The following GPR149 variants were observed in gnomAD, a reference collection of about 807,000 sequenced individuals.
GPR149 encodes probable G protein-coupled receptor 149.
Under a neutral mutation model 50.2 loss-of-function variants are expected in GPR149, and 50 were observed. The ratio of observed to expected loss-of-function variants is 1.00; its 90% CI spans 0.79 to 1.26. GPR149 has a LOEUF of 1.26. Among genes scored for constraint, GPR149 ranks in the 50% most tolerant of loss-of-function variants. The pLI, the probability that GPR149 is intolerant of heterozygous loss-of-function variation, is 0.00. For missense variants in GPR149, 983 were observed against 895.4 expected (o/e 1.10, Z -1.25); for synonymous variants, 405 against 358.2 (o/e 1.13, Z -1.48).
intron 3 of GPR149, among the ~76,000 whole-genome samples, chr3:154,377,363 TA>T (rs1714816806): frequency 6.8e-6 from 1 of 147,820 alleles, no homozygotes; most frequent in African/African-American, 2.5e-5. Context: ...TTATTATTAT[TA>T]TTATTATTAT....
At chr3:154,415,690 T>C (rs1171217420) in intron 3 of GPR149, among the ~76,000 whole-genome samples, 1 of 151,960 alleles carries the variant, frequency 6.6e-6, no homozygotes, top group Non-Finnish European at 1.5e-5. Context: ...CAACAAAATG[T>C]AAACAGTGGT....
At chr3:154,412,265 A>G (rs1184341650) in intron 3 of GPR149, among the ~76,000 whole-genome samples, 2 of 152,112 alleles carry the variant, frequency 1.3e-5, no homozygotes, top group Non-Finnish European at 2.9e-5. Context: ...GGAAAAGTAA[A>G]AAGCATACCC....
At chr3:154,412,305 A>C (rs187788492) in intron 3 of GPR149, among the ~76,000 whole-genome samples, 1 of 152,218 alleles carries the variant, frequency 6.6e-6, no homozygotes, top group African/African-American at 2.4e-5. Flanking sequence ...AAGGATGCCC[A>C]CTTTCATCAC....
chr3:154,399,140 A>AT (rs60274074), intron 3 of GPR149, among the ~76,000 whole-genome samples: 28 of 151,436 alleles, frequency 1.8e-4, no homozygotes, highest in Non-Finnish European at 2.5e-4. Context: ...TGGTATTAGT[A>AT]TTTTTTTTTA....
intron 3 of GPR149, among the ~76,000 whole-genome samples, chr3:154,390,054 C>G (rs1358215348): frequency 6.6e-6 from 1 of 152,212 alleles, no homozygotes; most frequent in Non-Finnish European, 1.5e-5. Context: ...TCAGTGAGAA[C>G]AAAGGTCACA....
Position 154,427,635 on chromosome 3 carries a change from A to G in GPR149, c.1055T>C (p.Leu352Pro). The G allele has an allele frequency of 6.2e-7, 1 of 1,614,214 alleles. No homozygotes were observed. Among genetic ancestry groups the G allele is most frequent in the South Asian group, 1.1e-5 (1 of 91,082 alleles). Residue 352 changes from leucine (L) to proline (P), a missense_variant, in exon 2 of 4, where the codon CTG becomes CCG. By Grantham distance (98) the Leu-to-Pro change is moderately conservative. Transcript: ENST00000389740. ...PLETFSFLLT[L>P]LATTVTPVFV... is the part of the protein sequence containing the mutation. ...CACTGGGGTTACAGTGGTGGCCAGC[A>G]GGGTAAGTAGAAAGCTGAATGTCTC...
chr3:154,388,013 C>T (rs1715083483), intron 3 of GPR149, among the ~76,000 whole-genome samples: 1 of 151,924 alleles, frequency 6.6e-6, no homozygotes, highest in South Asian at 2.1e-4. Context: ...CCTCAATGTG[C>T]AGAGATATTT....
intron 3 of GPR149, among the ~76,000 whole-genome samples, chr3:154,365,225 T>TG (rs58514251): frequency 1.3e-5 from 2 of 152,250 alleles, no homozygotes; most frequent in Admixed American, 1.3e-4. Flanking sequence ...CACCAGAGTA[T>TG]GGGGGAGGAG....
At position 154,337,696 on chromosome 3, in the gene GPR149, C is replaced by G. The variant is rs377403824; in HGVS notation, c.*3G>C. ...TTCTTGCTCCTGTTAGACCAAATAC[C>G]CACTAACTACCCTTGCTTTCTTCCT... On this transcript the variant is annotated 3_prime_UTR_variant, in exon 4 of 4. Transcript: ENST00000389740. The G allele has an allele frequency of 6.3e-7, 1 of 1,578,712 alleles. No individual in the cohort carries two copies. The highest frequency in any genetic ancestry group is 8.6e-7 in the Non-Finnish European group (1 of 1,162,576).
intron 3 of GPR149, chr3:154,352,838 T>G: frequency 1.1e-6 from 1 of 915,328 alleles, no homozygotes; most frequent in Non-Finnish European, 1.8e-6. Context: ...TCCACATATC[T>G]TAGTTGACCT....
rs929083958 is a variant in GPR149, at chr3:154,335,283, T to C, written c.*2416A>G. ...TATCACAAGATATCTAGAAAGGTAT[T>C]TCCTCTACTAGAAACACACTTTTAT... On this transcript the variant is annotated 3_prime_UTR_variant, in exon 4 of 4. Coordinates refer to ENST00000389740, the MANE Select transcript of GPR149 (RefSeq NM_001038705.3). 2.6e-5 allele frequency: 4 copies of C among 152,164 alleles called. No individual in the cohort carries two copies. The highest frequency in any genetic ancestry group is 9.7e-5 in the African/African-American group (4 of 41,444). The allele number at this position is 152,164 out of a possible 1,614,324, so 9.4% of individuals were successfully genotyped here. A position where few individuals can be genotyped will look rare whatever the true frequency, so the allele number is the denominator to read the frequency against.
intron 3 of GPR149, among the ~76,000 whole-genome samples, chr3:154,341,563 G>GA (rs1390440323): frequency 1.3e-5 from 2 of 151,394 alleles, no homozygotes; most frequent in Non-Finnish European, 2.9e-5. Flanking sequence ...ACCTTATGAA[G>GA]AAAAAACAGC....
chr3:154,414,347 C>T (rs748519144), intron 3 of GPR149, among the ~76,000 whole-genome samples: 4 of 151,856 alleles, frequency 2.6e-5, no homozygotes, highest in Non-Finnish European at 4.4e-5. Context: ...TGTTTATGTG[C>T]ATCAGGAATC....
At chr3:154,381,568 A>G (rs949194336) in intron 3 of GPR149, among the ~76,000 whole-genome samples, 2 of 152,122 alleles carry the variant, frequency 1.3e-5, no homozygotes. Flanking sequence ...TTTATAACTG[A>G]TAATTATTTT....
At chr3:154,371,671 C>T (rs187926272) in intron 3 of GPR149, among the ~76,000 whole-genome samples, 1 of 152,256 alleles carries the variant, frequency 6.6e-6, no homozygotes, top group Admixed American at 6.5e-5. Flanking sequence ...CTTGCCTCTT[C>T]TTAGGAAAAG....
intron 3 of GPR149, among the ~76,000 whole-genome samples, chr3:154,398,950 GAGA>G (rs1363536681): frequency 6.6e-6 from 1 of 152,126 alleles, no homozygotes; most frequent in Non-Finnish European, 1.5e-5. Context: ...ATAAACATAA[GAGA>G]AGGACTCTAA....
intron 3 of GPR149, among the ~76,000 whole-genome samples, chr3:154,359,578 C>T (rs990504960): frequency 2.6e-5 from 4 of 152,166 alleles, no homozygotes; most frequent in African/African-American, 9.7e-5. Flanking sequence ...TATTCAGAGG[C>T]AACAGCTTTT....
rs1712140731 is a variant in GPR149 at position 154,421,395 on chromosome 3, T to A, written c.1267A>T (p.Asn423Tyr). ...AHEDYYDDDE[N>Y]SIFYHNLMNS... is the part of the protein sequence containing the mutation. ...ATCAGGTTGTGATAGAATATGGAAT[T>A]TTCATCATCATCATAGTAATCTTCA... Residue 423 changes from asparagine to tyrosine, a missense_variant, in exon 3 of 4, where the codon AAT becomes TAT. By Grantham distance (143) the Asn-to-Tyr change is moderately radical. Coordinates refer to ENST00000389740, the MANE Select transcript of GPR149 (RefSeq NM_001038705.3). The A allele has an allele frequency of 3.1e-6, 5 of 1,611,972 alleles. No homozygotes were observed. Among genetic ancestry groups the A allele is most frequent in the Non-Finnish European group, 4.2e-6 (5 of 1,178,512 alleles).
chr3:154,399,562 A>T (rs148379309), intron 3 of GPR149, among the ~76,000 whole-genome samples: 1 of 152,188 alleles, frequency 6.6e-6, no homozygotes. Context: ...CTAGAGTTCC[A>T]GGTAGAACTT....
Sources: gnomAD v4.1 joint callset for allele counts (sites outside exome capture counted in the v4.1 genomes callset) on GRCh38, gnomAD v4.1.1 for gene constraint, MANE v1.5 for transcripts, NCBI Gene and HGNC (gene_info 2026-07-23, HGNC 2026-07-21) for gene names.